Variants in NFASC observed in about 807,000 individuals in gnomAD.
NFASC encodes neurofascin, also known as neurofascin homolog.
NFASC carries 43 observed loss-of-function variants against 147.5 expected under a neutral mutation model. The observed-to-expected ratio is 0.29, with a 90% confidence interval of 0.23 to 0.38. NFASC has a LOEUF of 0.38. Among genes scored for constraint, NFASC ranks in the 10% least tolerant of loss-of-function variants. The pLI is 1.00. For missense variants in NFASC, 1,320 were observed against 1,689.0 expected (o/e 0.78, Z 3.83); for synonymous variants, 622 against 665.5 (o/e 0.93, Z 1.01).
chr1:204,856,975 G>T (rs888742760), intron 1 of NFASC, among the ~76,000 whole-genome samples: 13 of 152,164 alleles, frequency 8.5e-5, no homozygotes, highest in African/African-American at 3.1e-4. Context: ...GCATAGTGCT[G>T]CTATGAACAC....
chr1:204,940,424 G>A (rs977416855), intron 2 of NFASC, among the ~76,000 whole-genome samples: 5 of 152,196 alleles, frequency 3.3e-5, no homozygotes, highest in Non-Finnish European at 5.9e-5. Flanking sequence ...CTGCACTCCC[G>A]CCTGGGCAAC....
chr1:204,892,164 G>A (rs2082537227), intron 1 of NFASC, among the ~76,000 whole-genome samples: 1 of 152,206 alleles, frequency 6.6e-6, no homozygotes, highest in Admixed American at 6.5e-5. Flanking sequence ...CTCTGATGCT[G>A]ACTACACATT....
intron 1 of NFASC, among the ~76,000 whole-genome samples, chr1:204,860,236 T>C (rs959275491): frequency 1.3e-5 from 2 of 152,198 alleles, no homozygotes; most frequent in African/African-American, 4.8e-5. Context: ...GTATTGGAAA[T>C]GTCTTCCTCT....
chr1:204,842,754 A>G (rs549725501), intron 1 of NFASC, among the ~76,000 whole-genome samples: 8 of 152,356 alleles, frequency 5.3e-5, no homozygotes, highest in South Asian at 2.1e-4. Flanking sequence ...CTCCTGGGAC[A>G]TGGATGGGCT....
intron 2 of NFASC, among the ~76,000 whole-genome samples, chr1:204,935,095 C>A (rs1055871525): frequency 6.6e-6 from 1 of 152,044 alleles, no homozygotes; most frequent in Admixed American, 6.6e-5. Flanking sequence ...GCACTTAGGA[C>A]GAGGACCTAA....
chr1:204,837,982 A>G (rs1378453303), intron 1 of NFASC, among the ~76,000 whole-genome samples: 1 of 152,176 alleles, frequency 6.6e-6, no homozygotes, highest in Non-Finnish European at 1.5e-5. Context: ...TTCTTTCATT[A>G]TGAAAATGCA....
At chr1:204,997,082 G>C in intron 24 of NFASC, 88 bp from the exon 25 acceptor site, 1 of 1,545,344 alleles carries the variant, frequency 6.5e-7, no homozygotes, top group Non-Finnish European at 8.7e-7. Context: ...CTCCTCACCG[G>C]GCTGCCTGCC....
chr1:204,838,575 T>C (rs1274247724), intron 1 of NFASC, among the ~76,000 whole-genome samples: 6 of 152,176 alleles, frequency 3.9e-5, no homozygotes. Flanking sequence ...AGGGACCTGA[T>C]CTAAGACTTT....
At chr1:204,920,824 A>G (rs1264691485) in intron 2 of NFASC, 84 bp downstream of exon 2, 4 of 590,986 alleles carry the variant, frequency 6.8e-6, no homozygotes, top group East Asian at 6.9e-5. Context: ...CTTCTCTTTG[A>G]TAAGGGAAGC....
Position 204,950,593 on chromosome 1 carries a change from T to C in NFASC, c.109+19T>C. The C allele has an allele frequency of 6.2e-7, 1 of 1,610,590 alleles. No homozygotes were observed. Among genetic ancestry groups the C allele is most frequent in the Non-Finnish European group, 8.5e-7 (1 of 1,177,994 alleles). On this transcript the variant is annotated intron_variant, in intron 4 of 29. Coordinates refer to ENST00000339876, the MANE Select transcript of NFASC (RefSeq NM_001005388.3). ...AATGAGCGTAAGTGCCCTGTGTGCCTCTCTGTGCCTCTGGGAGTTGGGAGG... is the reference window on the plus strand; with the variant it reads ...AATGAGCGTAAGTGCCCTGTGTGCCCCTCTGTGCCTCTGGGAGTTGGGAGG...
chr1:204,954,403 G>T lies in NFASC; in HGVS notation c.412+19G>T. ...GTGTCTAGTGAGTAGCGTGGGGCAGGGCTGAAATGCCCTGCTCCTGGGTAA... is the reference window on the plus strand; with the variant it reads ...GTGTCTAGTGAGTAGCGTGGGGCAGTGCTGAAATGCCCTGCTCCTGGGTAA... On this transcript the variant is annotated intron_variant, in intron 6 of 29. Coordinates refer to ENST00000339876, the MANE Select transcript of NFASC (RefSeq NM_001005388.3). The surrounding 1 kb of genome is among the most constrained non-coding windows in gnomAD (Gnocchi z 5.7). The T allele has an allele frequency of 6.2e-7, 1 of 1,609,576 alleles. No homozygotes were observed. The highest frequency in any genetic ancestry group is 8.5e-7 in the Non-Finnish European group (1 of 1,177,220).
chr1:204,954,265 C>A lies in NFASC; in HGVS notation c.293C>A (p.Thr98Asn). The change falls in exon 6 of 30, where the codon ACC becomes AAC. Residue 98 changes from threonine to asparagine, a missense_variant. Around this residue, in one of 3 missense-constraint regions of NFASC, gnomAD observed 981 missense variants for 1,289.5 expected, o/e 0.76. Transcript: ENST00000339876. This position sits in a 1 kb window ranked among gnomAD's most constrained non-coding sequence, Gnocchi z 5.7. ...PRVSMRRRSG[T>N]LVIDFRSGGR... ...GTGTCCATGAGGAGGAGGTCTGGGA[C>A]CCTGGTGATTGACTTCCGCAGTGGC... is the stretch of plus-strand genomic sequence containing the variant. The A allele has an allele frequency of 6.2e-7, 1 of 1,614,214 alleles. No homozygotes were observed. The highest frequency in any genetic ancestry group is 8.5e-7 in the Non-Finnish European group (1 of 1,180,044).
intron 1 of NFASC, among the ~76,000 whole-genome samples, chr1:204,883,526 G>A (rs912881669): frequency 2.6e-5 from 4 of 152,214 alleles, no homozygotes; most frequent in African/African-American, 9.7e-5. Flanking sequence ...GCTGGCAGGT[G>A]GAAGATGACC....
intron 1 of NFASC, among the ~76,000 whole-genome samples, chr1:204,873,016 C>T (rs1272351551): frequency 6.6e-6 from 1 of 152,168 alleles, no homozygotes; most frequent in East Asian, 1.9e-4. Flanking sequence ...CTTGGAGTCT[C>T]TTGGAGCTTG....
chr1:204,838,141 A>G (rs1229234664), intron 1 of NFASC, among the ~76,000 whole-genome samples: 2 of 152,276 alleles, frequency 1.3e-5, no homozygotes, highest in South Asian at 2.1e-4. Flanking sequence ...ACTTTCTTTG[A>G]TGATGGAAAT....
Position 205,015,531 on chromosome 1 carries a change from A to G in NFASC, c.3492-777A>G, listed in dbSNP as rs1310010678. Among the ~76,000 whole-genome samples the G allele has an allele frequency of 1.3e-5, 2 of 151,932 alleles. No homozygotes were observed. The highest frequency in any genetic ancestry group is 2.9e-5 in the Non-Finnish European group (2 of 67,992). On this transcript the variant is annotated intron_variant, in intron 29 of 29. Coordinates refer to ENST00000339876, the MANE Select transcript of NFASC (RefSeq NM_001005388.3). This position sits in a 1 kb window ranked among gnomAD's most constrained non-coding sequence, Gnocchi z 4.0. ...TGTTCCCAGCGGCCCGTGCAGCTTT[A>G]CTCGGCAGCCTCCCAGCTCTCCCTG...
Position 204,954,883 on chromosome 1 carries a change from C to T in NFASC, c.467C>T (p.Ala156Val). 2 of 1,614,214 alleles carry T rather than the reference C, an allele frequency of 1.2e-6. No individual in the cohort carries two copies. Among genetic ancestry groups the T allele is most frequent in the East Asian group, 2.2e-5 (1 of 44,886 alleles). ...NLDPVVVQEG[A>V]PLTLQCNPPP... Reference sequence around the variant, plus strand: ...GACCCTGTCGTGGTCCAAGAGGGCGCTCCTTTGACGCTCCAGTGCAACCCC... The same window carrying T: ...GACCCTGTCGTGGTCCAAGAGGGCGTTCCTTTGACGCTCCAGTGCAACCCC... Residue 156 changes from alanine to valine, a missense_variant, in exon 7 of 30, where the codon GCT becomes GTT. Ala to Val is a moderately conservative substitution (Grantham distance 64). Transcript: ENST00000339876. The surrounding 1 kb of genome is among the most constrained non-coding windows in gnomAD (Gnocchi z 5.7).
At chr1:204,948,920 C>T (rs372772414) in intron 3 of NFASC, among the ~76,000 whole-genome samples, 10 of 152,214 alleles carry the variant, frequency 6.6e-5, no homozygotes, top group African/African-American at 2.2e-4. Context: ...AAGAATGGCC[C>T]CTTCTCCCCA....
chr1:205,009,470 G>A (rs2151010567), intron 27 of NFASC, 87 bp from the exon 28 acceptor site: 1 of 1,416,076 alleles, frequency 7.1e-7, no homozygotes, highest in Non-Finnish European at 1.0e-6. Context: ...ATCCACATGA[G>A]ATAGCTGAAG....
Sources: allele counts gnomAD v4.1 joint callset (sites outside exome capture counted in the v4.1 genomes callset), GRCh38; gene constraint gnomAD v4.1.1; regional missense constraint gnomAD v4.1.1; non-coding constraint Gnocchi (gnomAD v3.1); transcripts MANE v1.5; gene names NCBI Gene and HGNC (gene_info 2026-07-23, HGNC 2026-07-21).